Variants in XKR6 observed in about 807,000 individuals in gnomAD.
XKR6 encodes XK-related protein 6.
XKR6 carries 22 observed loss-of-function variants against 56.7 expected under a neutral mutation model. The observed-to-expected ratio is 0.39, with a 90% CI of 0.28 to 0.55. The LOEUF is 0.55. Ranked by LOEUF, XKR6 falls within the 20% of genes least tolerant of loss-of-function variation. The pLI, the probability that XKR6 is intolerant of heterozygous loss-of-function variation, is 0.66. For missense variants in XKR6, 852 were observed against 889.0 expected (o/e 0.96, Z 0.53); for synonymous variants, 524 against 387.8 (o/e 1.35, Z -4.13).
intron 1 of XKR6, among the ~76,000 whole-genome samples, chr8:11,196,672 C>G (rs1803908724): frequency 6.6e-6 from 1 of 152,252 alleles, no homozygotes; most frequent in African/African-American, 2.4e-5. Flanking sequence ...AGCCTGAAAT[C>G]CAGTTCTCAA....
At chr8:10,978,436 A>C (rs1797638462) in intron 1 of XKR6, among the ~76,000 whole-genome samples, 1 of 152,184 alleles carries the variant, frequency 6.6e-6, no homozygotes, top group South Asian at 2.1e-4. Context: ...CATCTCAAAC[A>C]AATTAAATAA....
intron 1 of XKR6, among the ~76,000 whole-genome samples, chr8:11,188,433 C>A (rs1475688450): frequency 1.3e-5 from 2 of 152,204 alleles, no homozygotes; most frequent in Non-Finnish European, 2.9e-5. Context: ...GTTTTGACAA[C>A]TTTTGTTTCA....
At chr8:11,003,683 A>T (rs930208494) in intron 1 of XKR6, among the ~76,000 whole-genome samples, 1 of 152,242 alleles carries the variant, frequency 6.6e-6, no homozygotes, top group African/African-American at 2.4e-5. Flanking sequence ...GTCAAACTGT[A>T]AGAACTGGGA....
chr8:11,187,965 T>C (rs756493873), intron 1 of XKR6, among the ~76,000 whole-genome samples: 10 of 152,230 alleles, frequency 6.6e-5, no homozygotes, highest in Admixed American at 2.6e-4. Context: ...TCAACTGTCA[T>C]TGCTTTTGTT....
chr8:10,913,650 C>G (rs1156733108), intron 2 of XKR6, among the ~76,000 whole-genome samples: 2 of 152,208 alleles, frequency 1.3e-5, no homozygotes, highest in Non-Finnish European at 2.9e-5. Flanking sequence ...GGGGAGGGAC[C>G]TGCCCCGGTG....
At position 11,005,186 on chromosome 8, in the gene XKR6, C is replaced by T. The variant is rs1173119003; in HGVS notation, c.765-80356G>A. Among the ~76,000 whole-genome samples, 4 of 151,914 alleles carry T rather than the reference C, an allele frequency of 2.6e-5. No homozygotes were observed. The South Asian group carries it at 8.3e-4, about 32-fold the overall frequency. On this transcript the variant is annotated intron_variant, in intron 1 of 2. Transcript: ENST00000416569. Reference sequence around the variant, plus strand: ...ACATACGTGGAACAAAGGGATGATTCACATCCCAAGCAGAATGACGCAAGA... The same window carrying T: ...ACATACGTGGAACAAAGGGATGATTTACATCCCAAGCAGAATGACGCAAGA...
At chr8:10,927,562 T>C (rs1800928361) in intron 1 of XKR6, among the ~76,000 whole-genome samples, 1 of 152,114 alleles carries the variant, frequency 6.6e-6, no homozygotes, top group African/African-American at 2.4e-5. Flanking sequence ...CCCAGGTCAG[T>C]AATGCCAGTG....
chr8:10,982,703 G>A (rs550036276), intron 1 of XKR6, among the ~76,000 whole-genome samples: 1 of 152,214 alleles, frequency 6.6e-6, no homozygotes, highest in Non-Finnish European at 1.5e-5. Flanking sequence ...GCTGATTTGT[G>A]GCCAGCATTA....
chr8:11,081,590 G>C (rs1797723627), intron 1 of XKR6, among the ~76,000 whole-genome samples: 1 of 152,156 alleles, frequency 6.6e-6, no homozygotes, highest in Non-Finnish European at 1.5e-5. Context: ...ACACCAGCAG[G>C]TCTGGACAAG....
intron 1 of XKR6, among the ~76,000 whole-genome samples, chr8:10,963,013 G>A (rs1029310262): frequency 2.6e-5 from 4 of 152,228 alleles, no homozygotes; most frequent in East Asian, 1.9e-4. Context: ...CCTGTCCTTC[G>A]ATCATTTCTG....
intron 2 of XKR6, among the ~76,000 whole-genome samples, chr8:10,902,000 C>T (rs935657007): frequency 1.3e-5 from 2 of 152,212 alleles, no homozygotes; most frequent in Admixed American, 1.3e-4. Flanking sequence ...GAGTTACCTA[C>T]CCCATTTCCA....
intron 1 of XKR6, among the ~76,000 whole-genome samples, chr8:11,078,583 G>A (rs532398856): frequency 6.6e-6 from 1 of 152,212 alleles, no homozygotes; most frequent in African/African-American, 2.4e-5. Flanking sequence ...AATGGGGTGT[G>A]AGAGTGGCAG....
At chr8:11,123,392 T>C (rs1008812208) in intron 1 of XKR6, 1 of 154,126 alleles carries the variant, frequency 6.5e-6, no homozygotes, top group Non-Finnish European at 1.4e-5. Context: ...AATCGGCAAA[T>C]TCTATGTTGA....
chr8:11,178,131 T>C (rs1242634595), intron 1 of XKR6, among the ~76,000 whole-genome samples: 3 of 152,112 alleles, frequency 2.0e-5, no homozygotes, highest in Non-Finnish European at 2.9e-5. Context: ...AACCACACCA[T>C]GGAGAAACAG....
chr8:11,023,741 G>T (rs901598872), intron 1 of XKR6, among the ~76,000 whole-genome samples: 3 of 152,150 alleles, frequency 2.0e-5, no homozygotes, highest in African/African-American at 7.2e-5. Context: ...CTTTCCCCTG[G>T]CTCCATGAAG....
At chr8:11,127,124 T>C (rs552103825) in intron 1 of XKR6, among the ~76,000 whole-genome samples, 3 of 152,176 alleles carry the variant, frequency 2.0e-5, no homozygotes, top group Non-Finnish European at 4.4e-5. Flanking sequence ...CATCATCACT[T>C]TCATGAATAA....
intron 1 of XKR6, chr8:11,123,999 AAC>A: frequency 2.2e-6 from 1 of 455,810 alleles, no homozygotes; most frequent in Non-Finnish European, 4.4e-6. Context: ...GCCTCTCTAA[AAC>A]AGTCCTGTCT....
chr8:11,003,654 G>A (rs1270224262), intron 1 of XKR6, among the ~76,000 whole-genome samples: 1 of 152,236 alleles, frequency 6.6e-6, no homozygotes, highest in African/African-American at 2.4e-5. Flanking sequence ...GCTCAGAGAA[G>A]CCATGCAGCC....
At chr8:10,922,962 A>G (rs1342155904) in intron 2 of XKR6, among the ~76,000 whole-genome samples, 2 of 152,160 alleles carry the variant, frequency 1.3e-5, no homozygotes, top group Non-Finnish European at 2.9e-5. Flanking sequence ...CTCATCCTGT[A>G]GGCACCAGCT....
Sources: gnomAD v4.1 joint callset for allele counts (sites outside exome capture counted in the v4.1 genomes callset) on GRCh38, gnomAD v4.1.1 for gene constraint, MANE v1.5 for transcripts, NCBI Gene and HGNC (gene_info 2026-07-23, HGNC 2026-07-21) for gene names.